MTMR2: variants seen among roughly 807,000 people sequenced by gnomAD.
The protein encoded by MTMR2 is phosphatidylinositol-3,5-bisphosphate 3-phosphatase MTMR2.
Under a neutral mutation model 86.9 loss-of-function variants are expected in MTMR2, and 55 were observed. The observed-to-expected ratio is 0.63, with a 90% CI of 0.51 to 0.79. MTMR2 has a LOEUF of 0.79. MTMR2 is among the 30% of genes least tolerant of loss of function. The pLI, the probability that MTMR2 is intolerant of heterozygous loss-of-function variation, is 0.00. For missense variants in MTMR2, 659 were observed against 772.3 expected (o/e 0.85, Z 1.74); for synonymous variants, 241 against 266.8 (o/e 0.90, Z 0.94).
At chr11:95,889,919 C>A (rs1029484424) in intron 1 of MTMR2, among the ~76,000 whole-genome samples, 2 of 152,068 alleles carry the variant, frequency 1.3e-5, no homozygotes, top group Non-Finnish European at 2.9e-5. Flanking sequence ...CTTCCTTATA[C>A]CAGAATGCAA....
At chr11:95,850,058 TA>T (rs1246865485) in intron 8 of MTMR2, among the ~76,000 whole-genome samples, 196 bp from the exon 9 acceptor site, 1 of 152,206 alleles carries the variant, frequency 6.6e-6, no homozygotes. Flanking sequence ...TCTAATTCTT[TA>T]GTCAGATACT....
intron 1 of MTMR2, among the ~76,000 whole-genome samples, chr11:95,910,784 C>G (rs574441989): frequency 6.6e-6 from 1 of 152,180 alleles, no homozygotes; most frequent in East Asian, 1.9e-4. Context: ...ACAAGCTTTT[C>G]TAGGAACGCA....
At chr11:95,917,228 T>C (rs2135634118) in intron 1 of MTMR2, among the ~76,000 whole-genome samples, 1 of 152,318 alleles carries the variant, frequency 6.6e-6, no homozygotes, top group African/African-American at 2.4e-5. Context: ...CTTTACATAT[T>C]CAAAACCATC....
chr11:95,891,597 CAA>C (rs936004407), intron 1 of MTMR2, among the ~76,000 whole-genome samples: 40 of 152,256 alleles, frequency 2.6e-4, no homozygotes, highest in Middle Eastern at 3.4e-3. Context: ...GTCTTTCTAG[CAA>C]AAGTGTGGTA....
chr11:95,883,110 G>C (rs1272613138), intron 2 of MTMR2, among the ~76,000 whole-genome samples: 2 of 151,784 alleles, frequency 1.3e-5, no homozygotes, highest in African/African-American at 4.8e-5. Context: ...TAAAACAACA[G>C]GCTTCACAAA....
At chr11:95,848,390 C>T (rs1227926570) in intron 9 of MTMR2, among the ~76,000 whole-genome samples, 1 of 152,088 alleles carries the variant, frequency 6.6e-6, no homozygotes, top group Non-Finnish European at 1.5e-5. Context: ...AAATGACCTG[C>T]TTCTTTTTTA....
chr11:95,874,033 A>T (rs1451740625), intron 2 of MTMR2, among the ~76,000 whole-genome samples: 14 of 152,160 alleles, frequency 9.2e-5, no homozygotes, highest in Admixed American at 9.2e-4. Flanking sequence ...TCAGTTTTGG[A>T]ACAAGTGTGG....
At chr11:95,851,581 C>T (rs906951953) in intron 7 of MTMR2, among the ~76,000 whole-genome samples, 14 of 152,190 alleles carry the variant, frequency 9.2e-5, no homozygotes, top group Admixed American at 6.5e-4. Flanking sequence ...AGGCTGGTTG[C>T]GAACTCCTGA....
Position 95,872,789 on chromosome 11 carries a change from T to A in MTMR2, c.187-7113A>T, listed in dbSNP as rs1304800344. ...TCTTATTATTTTGAGATACGTCCCA[T>A]CAATACCTAATGTATTGAGAGTTTT... On this transcript the variant is annotated intron_variant, in intron 2 of 14. Transcript: ENST00000346299. Among the ~76,000 whole-genome samples, 12 of 152,242 alleles carry A rather than the reference T, an allele frequency of 7.9e-5. No individual in the cohort carries two copies. In the East Asian group the frequency reaches 2.3e-3, roughly 29 times the overall value.
At chr11:95,846,217 G>T (rs550267852) in intron 10 of MTMR2, among the ~76,000 whole-genome samples, 1 of 152,122 alleles carries the variant, frequency 6.6e-6, no homozygotes, top group African/African-American at 2.4e-5. Flanking sequence ...CTAACCCAAA[G>T]GCTTAGTTAA....
At chr11:95,911,084 T>C (rs1374250903) in intron 1 of MTMR2, among the ~76,000 whole-genome samples, 1 of 152,126 alleles carries the variant, frequency 6.6e-6, no homozygotes. Flanking sequence ...AACGATTATA[T>C]AAATGATCAT....
chr11:95,910,154 A>G (rs895411102), intron 1 of MTMR2, among the ~76,000 whole-genome samples: 4 of 147,866 alleles, frequency 2.7e-5, no homozygotes, highest in Non-Finnish European at 3.0e-5. Context: ...CACACCCTAC[A>G]TGATTTTTTA....
intron 1 of MTMR2, among the ~76,000 whole-genome samples, chr11:95,900,459 G>C (rs1272126682): frequency 3.3e-5 from 5 of 152,292 alleles, no homozygotes; most frequent in African/African-American, 1.2e-4. Context: ...TTAATAAAAT[G>C]ATAAATTAAT....
chr11:95,861,289 TA>T (rs1311758836), intron 5 of MTMR2, among the ~76,000 whole-genome samples: 1 of 151,340 alleles, frequency 6.6e-6, no homozygotes, highest in African/African-American at 2.4e-5. Flanking sequence ...ATTTGTAAAT[TA>T]AAGGTAGTAA....
chr11:95,888,915 T>C (rs1447759221), intron 1 of MTMR2, among the ~76,000 whole-genome samples: 1 of 151,960 alleles, frequency 6.6e-6, no homozygotes, highest in Non-Finnish European at 1.5e-5. Context: ...CAAAAGGCAA[T>C]GCAAAGGTAT....
intron 1 of MTMR2, chr11:95,907,926 TAAG>T (rs1202926466): frequency 9.5e-6 from 4 of 419,152 alleles, no homozygotes; most frequent in African/African-American, 8.3e-5. Context: ...GTATTCCCCT[TAAG>T]AAACAGAAAA....
intron 6 of MTMR2, 93 bp downstream of exon 6, chr11:95,858,438 G>A (rs1864289771): frequency 3.6e-6 from 3 of 832,832 alleles, no homozygotes; most frequent in South Asian, 2.7e-5. Context: ...AAGCAGGGAT[G>A]TAAATGTAGA....
At chr11:95,857,304 G>C (rs926913295) in intron 7 of MTMR2, among the ~76,000 whole-genome samples, 8 of 151,744 alleles carry the variant, frequency 5.3e-5, no homozygotes, top group Admixed American at 6.6e-5. Context: ...TAAAAATAAA[G>C]AAAAGACTAT....
At chr11:95,869,655 G>A (rs543400735) in intron 2 of MTMR2, among the ~76,000 whole-genome samples, 1 of 152,230 alleles carries the variant, frequency 6.6e-6, no homozygotes, top group Non-Finnish European at 1.5e-5. Flanking sequence ...GAAGACAGCT[G>A]CAATATTCCA....
Sources: gnomAD v4.1 joint callset for allele counts (sites outside exome capture counted in the v4.1 genomes callset) on GRCh38, gnomAD v4.1.1 for gene constraint, MANE v1.5 for transcripts, NCBI Gene and HGNC (gene_info 2026-07-23, HGNC 2026-07-21) for gene names.